PBRM1: variants seen among roughly 807,000 people sequenced by gnomAD.
PBRM1 encodes the protein polybromo 1.
Under a neutral mutation model 194.5 loss-of-function variants are expected in PBRM1, and 27 were observed. The observed-to-expected ratio is 0.14, with a 90% confidence interval of 0.10 to 0.19. The LOEUF (loss-of-function observed/expected upper bound fraction) is 0.19, where lower values mean the gene tolerates loss of function less well. Among genes scored for constraint, PBRM1 ranks in the 10% least tolerant of loss-of-function variants. The probability of loss-of-function intolerance (pLI) is 1.00; values close to 1 mark genes in which losing one functional copy is unlikely to be tolerated. For synonymous variants in PBRM1, 655 were observed against 693.2 expected (o/e 0.94, Z 0.87); for missense variants, 1,466 against 2,077.2 (o/e 0.71, Z 5.72).
At chr3:52,603,842 T>C in intron 16 of PBRM1, 110 bp from the exon 19 acceptor site, 1 of 934,952 alleles carries the variant, frequency 1.1e-6, no homozygotes, top group Non-Finnish European at 1.6e-6. Context: ...GTGGTATTTC[T>C]GTACAGGTCT....
At chr3:52,671,854 C>T (rs1232430447) in intron 2 of PBRM1, among the ~76,000 whole-genome samples, 2 of 152,170 alleles carry the variant, frequency 1.3e-5, no homozygotes, top group Non-Finnish European at 2.9e-5. Flanking sequence ...CAGTGGCTTG[C>T]TCGTTGAGGT....
chr3:52,561,343 G>C (rs1273682326), intron 25 of PBRM1, among the ~76,000 whole-genome samples: 1 of 152,198 alleles, frequency 6.6e-6, no homozygotes, highest in East Asian at 1.9e-4. Context: ...GACTCAGCCT[G>C]AAGTTTAAAT....
chr3:52,619,397 T>C (rs939535013), intron 13 of PBRM1, among the ~76,000 whole-genome samples: 9 of 152,202 alleles, frequency 5.9e-5, no homozygotes, highest in African/African-American at 1.9e-4. Flanking sequence ...TTACTTATAA[T>C]ACCTAATACA....
upstream of PBRM1, among the ~76,000 whole-genome samples, chr3:52,682,394 C>T (rs1304699714): frequency 6.9e-6 from 1 of 145,498 alleles, no homozygotes; most frequent in African/African-American, 2.5e-5. Flanking sequence ...AAAAAAAGGG[C>T]CAACCATTTT....
At chr3:52,679,391 A>G (rs1423135296) in intron 1 of PBRM1, among the ~76,000 whole-genome samples, 183 bp downstream of exon 2, 1 of 152,258 alleles carries the variant, frequency 6.6e-6, no homozygotes, top group African/African-American at 2.4e-5. Flanking sequence ...GAAATTATTC[A>G]TAAGATCACA....
chr3:52,557,743 G>A (rs1044956912), intron 26 of PBRM1, among the ~76,000 whole-genome samples: 2 of 151,974 alleles, frequency 1.3e-5, no homozygotes, highest in African/African-American at 4.8e-5. Context: ...ATTCTATTTA[G>A]CAGTCATGCA....
chr3:52,604,522 A>AACACAGTTG (rs1187714389), intron 16 of PBRM1, among the ~76,000 whole-genome samples: 1 of 151,926 alleles, frequency 6.6e-6, no homozygotes, highest in Non-Finnish European at 1.5e-5. Context: ...GCAACACAGC[A>AACACAGTTG]AGACGCTGTC....
downstream of PBRM1, chr3:52,546,379 AC>A (rs1003236069): frequency 1.3e-5 from 3 of 229,926 alleles, no homozygotes; most frequent in African/African-American, 6.7e-5. Flanking sequence ...CTACTGCAAT[AC>A]ATTTTTTTAA....
chr3:52,631,483 G>C (rs1218451198), intron 11 of PBRM1, among the ~76,000 whole-genome samples: 1 of 152,078 alleles, frequency 6.6e-6, no homozygotes, highest in Non-Finnish European at 1.5e-5. Context: ...CCTGCTTCTT[G>C]ACTCTATCTG....
intron 3 of PBRM1, among the ~76,000 whole-genome samples, chr3:52,667,710 G>A (rs1465204112): frequency 7.0e-6 from 1 of 142,696 alleles, no homozygotes; most frequent in Non-Finnish European, 1.5e-5. Flanking sequence ...CTGAGATCGT[G>A]CCACTGCACT....
At chr3:52,668,788 A>G (rs1056047163) in intron 2 of PBRM1, 143 bp from the exon 4 acceptor site, 23 of 431,742 alleles carry the variant, frequency 5.3e-5, no homozygotes, top group Non-Finnish European at 8.7e-5. Context: ...TTACTTAAAA[A>G]AAAAAAAAAA....
chr3:52,658,353 T>C (rs776786521), intron 4 of PBRM1, 38 bp from the exon 6 acceptor site: 2 of 1,050,504 alleles, frequency 1.9e-6, no homozygotes, highest in South Asian at 1.3e-5. Flanking sequence ...CTAAGAGAAA[T>C]AATAAAATGC....
chr3:52,558,456 G>A, intron 25 of PBRM1, 43 bp from the exon 28 acceptor site: 1 of 1,475,606 alleles, frequency 6.8e-7, no homozygotes, highest in East Asian at 2.5e-5. Flanking sequence ...TTTAACCCAG[G>A]AATTCAAAAT....
chr3:52,607,356 CTG>C (rs2094400171), intron 16 of PBRM1, among the ~76,000 whole-genome samples: 1 of 152,152 alleles, frequency 6.6e-6, no homozygotes, highest in Non-Finnish European at 1.5e-5. Flanking sequence ...GAGGGTAAAA[CTG>C]TGTGCATCAC....
chr3:52,575,664 C>A (rs1302256936), intron 22 of PBRM1, among the ~76,000 whole-genome samples: 2 of 143,598 alleles, frequency 1.4e-5, no homozygotes, highest in Non-Finnish European at 3.0e-5. Context: ...TGCCACCATG[C>A]CCAAATAATT....
intron 6 of PBRM1, 124 bp from the exon 8 acceptor site, chr3:52,648,566 C>T (rs917359730): frequency 2.2e-5 from 11 of 493,706 alleles, no homozygotes; most frequent in Non-Finnish European, 3.9e-5. Flanking sequence ...GGAAAGTACA[C>T]ATATGAACAA....
chr3:52,594,956 C>T (rs752618286), intron 17 of PBRM1, among the ~76,000 whole-genome samples: 62 of 152,038 alleles, frequency 4.1e-4, no homozygotes, highest in African/African-American at 1.5e-3. Context: ...GTCTTCTGGG[C>T]TTCCCTTTGA....
At position 52,627,287 on chromosome 3, in the gene PBRM1, AC is replaced by A; in HGVS notation, c.1526del (p.Ser509MetfsTer10). The stretch of plus-strand genomic sequence containing the variant: ...AGAGTATATACCTTTTTCTTTTGGC[AC>A]TACCAGTATCAGAGGTGGCTGAAGA... On this transcript the variant is annotated frameshift_variant, in exon 13 of 30. Transcript: ENST00000296302. LOFTEE classifies it high-confidence loss of function. 1 of 1,602,232 alleles carries A rather than the reference AC, an allele frequency of 6.2e-7. No individual in the cohort carries two copies. The highest frequency in any genetic ancestry group is 8.6e-7 in the Non-Finnish European group (1 of 1,169,220).
chr3:52,547,996 A>C (rs2153302280), exon 30 of PBRM1: 2 of 1,310,678 alleles, frequency 1.5e-6, no homozygotes, highest in South Asian at 1.3e-5. Flanking sequence ...CCCCACCCCC[A>C]GTAACTAAAA....
Sources: gnomAD v4.1 joint callset for allele counts (sites outside exome capture counted in the v4.1 genomes callset) on GRCh38, gnomAD v4.1.1 for gene constraint, MANE v1.5 for transcripts, NCBI Gene and HGNC (gene_info 2026-07-23, HGNC 2026-07-21) for gene names.